Variants in UBR4 observed in about 807,000 individuals in gnomAD.
UBR4 encodes the protein E3 ubiquitin-protein ligase UBR4.
Under a neutral mutation model 575.6 loss-of-function variants are expected in UBR4, and 124 were observed. The observed-to-expected ratio is 0.22, with a 90% CI of 0.19 to 0.25. UBR4 has a LOEUF of 0.25. Among genes scored for constraint, UBR4 ranks in the 10% least tolerant of loss-of-function variants. UBR4 has a pLI of 1.00. For missense variants in UBR4, 4,818 were observed against 6,478.8 expected, an observed-to-expected ratio of 0.74 and a Z score of 8.80; for synonymous variants, 2,455 against 2,473.7, an observed-to-expected ratio of 0.99 and a Z score of 0.22.
intron 60 of UBR4, among the ~76,000 whole-genome samples, chr1:19,131,269 A>AAAAAAAAAAAAAAAAAAAAAG (rs1403804726): frequency 7.8e-6 from 1 of 127,646 alleles, no homozygotes; most frequent in Non-Finnish European, 1.6e-5. Context: ...AAAAAAAAAA[A>AAAAAAAAAAAAAAAAAAAAAG]TAAACACAGC....
chr1:19,128,600 G>A (rs2082077523), intron 61 of UBR4, among the ~76,000 whole-genome samples: 1 of 152,202 alleles, frequency 6.6e-6, no homozygotes, highest in South Asian at 2.1e-4. Context: ...AGTAGCTTGA[G>A]AAAGGGTGGT....
intron 15 of UBR4, among the ~76,000 whole-genome samples, chr1:19,184,469 C>T (rs934330577): frequency 2.6e-5 from 4 of 152,166 alleles, no homozygotes; most frequent in African/African-American, 9.7e-5. Flanking sequence ...TTTTGTTCTC[C>T]TAAGGTCCTT....
Position 19,174,416 on chromosome 1 carries a change from T to G in UBR4, c.2885A>C (p.Lys962Thr). The G allele has an allele frequency of 6.2e-7, 1 of 1,611,840 alleles. No individual in the cohort carries two copies. Among genetic ancestry groups the G allele is most frequent in the South Asian group, 1.1e-5 (1 of 91,018 alleles). Reference protein sequence around the residue: ...ACDVLFSKLVKYDELYAALTA... With the variant: ...ACDVLFSKLVTYDELYAALTA... Reference sequence around the variant, plus strand: ...CAGTGCAGCATAAAGCTCATCATACTTGACAAGCTTGGAGAAAAGGACGTC... The same window carrying G: ...CAGTGCAGCATAAAGCTCATCATACGTGACAAGCTTGGAGAAAAGGACGTC... The change falls in exon 22 of 106, where the codon AAG becomes ACG. Residue 962 changes from lysine (K) to threonine (T), a missense_variant. This residue lies in a region of UBR4 where 1,172 missense variants were observed against 1,259.7 expected (regional missense o/e 0.93). Transcript: ENST00000375254.
intron 8 of UBR4, among the ~76,000 whole-genome samples, chr1:19,195,452 C>T (rs187950777): frequency 6.3e-4 from 95 of 151,952 alleles, no homozygotes; most frequent in African/African-American, 1.8e-3. Context: ...ATCTTTAATC[C>T]GACTATGAAT....
rs755453876 is a variant in UBR4, at chr1:19,198,546, T to A, written c.643A>T (p.Thr215Ser). 6.2e-6 allele frequency: 10 copies of A among 1,612,782 alleles called. No individual in the cohort carries two copies. Among genetic ancestry groups the A allele is most frequent in the Non-Finnish European group, 8.5e-6 (10 of 1,179,468 alleles). The change falls in exon 5 of 106, where the codon ACT (threonine) becomes TCT (serine). Residue 215 changes from threonine to serine, a missense_variant. By Grantham distance (58) the Thr-to-Ser change is moderately conservative (BLOSUM62 1). Around this residue, in one of 29 missense-constraint regions of UBR4, gnomAD observed 83 missense variants for 77.3 expected, o/e 1.07. Transcript: ENST00000375254. ...ATTTGACTAAAGAAACTCACCAGAGTCTGTGTACTGATAGGTTGTGATGCT... is the reference window on the plus strand; with the variant it reads ...ATTTGACTAAAGAAACTCACCAGAGACTGTGTACTGATAGGTTGTGATGCT... ...TVASQPISTQ[T>S]LVEGENDEQS...
intron 8 of UBR4, among the ~76,000 whole-genome samples, chr1:19,194,902 T>C (rs2092354958): frequency 6.6e-6 from 1 of 151,948 alleles, no homozygotes; most frequent in South Asian, 2.1e-4. Context: ...CACTTGAGCC[T>C]AACAGTTCAA....
intron 101 of UBR4, among the ~76,000 whole-genome samples, chr1:19,085,581 C>T (rs1020324410): frequency 2.0e-5 from 3 of 152,174 alleles, no homozygotes; most frequent in African/African-American, 7.2e-5. Flanking sequence ...CTGCCAGCTG[C>T]CTGTTTTATG....
At chr1:19,106,115 C>A (rs1383887199) in intron 83 of UBR4, among the ~76,000 whole-genome samples, 3 of 152,218 alleles carry the variant, frequency 2.0e-5, no homozygotes, top group Non-Finnish European at 4.4e-5. Context: ...AAAAAGGGAT[C>A]TTCCTTAGCA....
intron 11 of UBR4, among the ~76,000 whole-genome samples, chr1:19,187,938 T>C (rs1220996440): frequency 2.0e-5 from 3 of 152,062 alleles, no homozygotes; most frequent in South Asian, 2.1e-4. Flanking sequence ...CATGGTGGCA[T>C]GTACCTATGG....
Position 19,104,071 on chromosome 1 carries a change from TG to T in UBR4, c.12901+12del. The T allele has an allele frequency of 6.2e-7, 1 of 1,613,726 alleles. No individual in the cohort carries two copies. The highest frequency in any genetic ancestry group is 8.5e-7 in the Non-Finnish European group (1 of 1,179,778). ...GACAGTGCCTTAGGCTCCAGGCCAC[TG>T]GGCAGTGCTACCTGTGGTCATGTCC... On this transcript the variant is annotated intron_variant, in intron 87 of 105. Transcript: ENST00000375254.
rs1004626753 is a variant in UBR4 at position 19,123,382 on chromosome 1, C to T, written c.9589-322G>A. On this transcript the variant is annotated intron_variant, in intron 65 of 105. Transcript: ENST00000375254. ...AGAAGAATTGCTTGAACCCAGAGGGCGGAGGTTGCAGTGAGCAGAGATCGT... is the reference window on the plus strand; with the variant it reads ...AGAAGAATTGCTTGAACCCAGAGGGTGGAGGTTGCAGTGAGCAGAGATCGT... Among the ~76,000 whole-genome samples, 8 of 147,530 alleles carry T rather than the reference C, an allele frequency of 5.4e-5. No homozygotes were observed. The East Asian group carries it at 6.3e-4, about 12-fold the overall frequency.
intron 30 of UBR4, 86 bp from the exon 31 acceptor site, chr1:19,165,435 C>G: frequency 7.8e-7 from 1 of 1,280,182 alleles, no homozygotes; most frequent in Non-Finnish European, 1.1e-6. Context: ...CTCATCTCCT[C>G]TGGGGAAAAT....
rs541332278 is a variant in UBR4 at position 19,157,154 on chromosome 1, T to C, written c.5761-229A>G. The stretch of plus-strand genomic sequence containing the variant: ...AGGTAAGTAATGAAAACAATTTCTC[T>C]TTATATAGTTCACAAAATAGTTTAA... On this transcript the variant is annotated intron_variant, in intron 40 of 105. Coordinates refer to ENST00000375254, the MANE Select transcript of UBR4 (RefSeq NM_020765.3). The surrounding 1 kb of genome is among the most constrained non-coding windows in gnomAD (Gnocchi z 4.4). Among the ~76,000 whole-genome samples the C allele has an allele frequency of 6.6e-6, 1 of 152,362 alleles. No homozygotes were observed. The highest frequency in any genetic ancestry group is 2.4e-5 in the African/African-American group (1 of 41,580).
Position 19,141,428 on chromosome 1 carries a change from T to TG in UBR4, c.8406dup (p.Met2803HisfsTer7), listed in dbSNP as rs776496841. ...TCTGCATCAGGTGGGATGTCCAGCA[T>TG]GGGGGGGAAGCCCTCTGCGCCTGCC... On this transcript the variant is annotated frameshift_variant, in exon 57 of 106. Transcript: ENST00000375254. LOFTEE classifies it high-confidence loss of function. 3 of 1,613,996 alleles carry TG rather than the reference T, an allele frequency of 1.9e-6. No homozygotes were observed. Among genetic ancestry groups the TG allele is most frequent in the Non-Finnish European group, 2.5e-6 (3 of 1,180,020 alleles).
Position 19,179,119 on chromosome 1 carries a change from G to T in UBR4, c.2286C>A (p.Leu762=). 1 of 1,614,010 alleles carries T rather than the reference G, an allele frequency of 6.2e-7. No homozygotes were observed. Among genetic ancestry groups the T allele is most frequent in the African/African-American group, 1.3e-5 (1 of 75,020 alleles). The change falls in exon 18 of 106, where the codon CTC becomes CTA. Residue 762 remains leucine (L), a synonymous_variant. Transcript: ENST00000375254. ...GAGCACTGGCTTTATGTTGCCAGAT[G>T]AGCAGGAGGCGTGAAAGCACAGAGA... ...QSLSVLSRLL[L]IWQHKASAQG... is the part of the protein sequence containing the mutation.
rs539283712 is a variant in UBR4, at chr1:19,117,011, T to C, written c.10823+210A>G. Among the ~76,000 whole-genome samples the C allele has an allele frequency of 1.0e-3, 155 of 152,338 alleles. 1 individual carries two copies. The highest frequency in any genetic ancestry group is 2.0e-3 in the Non-Finnish European group (134 of 68,020). ...GTTGAGGAACTTCCACAGACCCCTATGGCTCCACTGGGCTAATTTAGAAAT... is the reference window on the plus strand; with the variant it reads ...GTTGAGGAACTTCCACAGACCCCTACGGCTCCACTGGGCTAATTTAGAAAT... On this transcript the variant is annotated intron_variant, in intron 73 of 105. Transcript: ENST00000375254. This position sits in a 1 kb window ranked among gnomAD's most constrained non-coding sequence, Gnocchi z 4.0.
In UBR4 at chr1:19,165,246, C is replaced by T; in HGVS notation, c.4312+3G>A. The T allele has an allele frequency of 6.2e-7, 1 of 1,612,096 alleles. No homozygotes were observed. The highest frequency in any genetic ancestry group is 1.1e-5 in the South Asian group (1 of 91,034). The stretch of plus-strand genomic sequence containing the variant: ...AAGAAGATTACTAAAAGCTGTCACT[C>T]ACTCAGCTGGAAGAGTTTGGTGAAG... On this transcript the variant is annotated splice_donor_region_variant and intron_variant, in intron 31 of 105. Transcript: ENST00000375254.
intron 52 of UBR4, 143 bp downstream of exon 52, chr1:19,146,683 C>A: frequency 9.4e-7 from 1 of 1,064,594 alleles, no homozygotes; most frequent in Non-Finnish European, 1.4e-6. Flanking sequence ...GTCAAAAGGC[C>A]CTACAAGGTA....
chr1:19,148,729 A>G, intron 49 of UBR4, 103 bp from the exon 50 acceptor site: 1 of 1,223,840 alleles, frequency 8.2e-7, no homozygotes, highest in Non-Finnish European at 1.2e-6. Flanking sequence ...ACAGCTAATG[A>G]ATGCCAAATA....
Sources: allele counts gnomAD v4.1 joint callset (sites outside exome capture counted in the v4.1 genomes callset), GRCh38; gene constraint gnomAD v4.1.1; regional missense constraint gnomAD v4.1.1; non-coding constraint Gnocchi (gnomAD v3.1); transcripts MANE v1.5; gene names NCBI Gene and HGNC (gene_info 2026-07-23, HGNC 2026-07-21).